Variants in TRMT1L observed in about 807,000 individuals in gnomAD.
The protein encoded by TRMT1L is tRNA (guanine(27)-N(2))-dimethyltransferase.
Under a neutral mutation model 81.6 loss-of-function variants are expected in TRMT1L, and 28 were observed. The observed-to-expected ratio is 0.34, with a 90% CI of 0.25 to 0.47. The LOEUF is 0.47. Among genes scored for constraint, TRMT1L ranks in the 20% least tolerant of loss-of-function variants. The pLI is 1.00. For missense variants in TRMT1L, 739 were observed against 877.1 expected, an observed-to-expected ratio of 0.84 and a Z score of 1.99; for synonymous variants, 301 against 303.2, an observed-to-expected ratio of 0.99 and a Z score of 0.07.
Position 185,140,051 on chromosome 1 carries a change from C to T in TRMT1L, c.1031G>A (p.Gly344Glu), listed in dbSNP as rs1557989247. The T allele has an allele frequency of 2.5e-6, 4 of 1,613,728 alleles. No individual in the cohort carries two copies. The highest frequency in any genetic ancestry group is 3.3e-5 in the Admixed American group (2 of 60,010). ...KEKSDDILEEGEKNLGNIKVT... is the reference protein window; with the variant it reads ...KEKSDDILEEEEKNLGNIKVT... ...CTTAATATTACCAAGATTTTTCTCT[C>T]CTTCTTCAAGAATATCATCACTCTT... The change falls in exon 8 of 15, where the codon GGA becomes GAA. Residue 344 changes from glycine (G) to glutamate (E), a missense_variant. Coordinates refer to ENST00000367506, the MANE Select transcript of TRMT1L (RefSeq NM_030934.5).
At chr1:185,130,818 C>T (rs1029008313) in intron 10 of TRMT1L, among the ~76,000 whole-genome samples, 11 of 152,086 alleles carry the variant, frequency 7.2e-5, no homozygotes, top group Middle Eastern at 3.2e-3. Context: ...TAAAAATCTG[C>T]TTTCCAGTCT....
intron 10 of TRMT1L, among the ~76,000 whole-genome samples, chr1:185,134,558 C>T (rs1174459930): frequency 1.3e-5 from 2 of 152,200 alleles, no homozygotes; most frequent in African/African-American, 2.4e-5. Context: ...GTAGGACATA[C>T]TTGTTTATTC....
At chr1:185,123,263 T>C (rs1160050502) in intron 13 of TRMT1L, among the ~76,000 whole-genome samples, 1 of 152,070 alleles carries the variant, frequency 6.6e-6, no homozygotes, top group East Asian at 1.9e-4. Context: ...CACTCTACAG[T>C]CTTCTTTTCA....
At chr1:185,151,761 G>A in intron 2 of TRMT1L, 64 bp downstream of exon 2, 18 of 1,076,354 alleles carry the variant, frequency 1.7e-5, no homozygotes, top group Non-Finnish European at 2.4e-5. Flanking sequence ...ACTTATTTTT[G>A]TGAATTGAAA....
At chr1:185,149,662 C>T (rs79431572) in intron 3 of TRMT1L, among the ~76,000 whole-genome samples, 268 of 151,788 alleles carry the variant, frequency 1.8e-3, no homozygotes, top group Admixed American at 2.0e-3. Flanking sequence ...GATGGATATG[C>T]GTATTTTTAA....
chr1:185,139,040 C>CA (rs144578198), intron 9 of TRMT1L, among the ~76,000 whole-genome samples: 2,628 of 152,286 alleles, frequency 0.017, 75 homozygotes, highest in African/African-American at 0.059. Context: ...AAAAACAAAA[C>CA]AAAACAGTTT....
chr1:185,123,848 C>T lies in TRMT1L; in HGVS notation c.1822+9G>A. 2 of 1,479,932 alleles carry T rather than the reference C, an allele frequency of 1.4e-6. No individual in the cohort carries two copies. Among genetic ancestry groups the T allele is most frequent in the Admixed American group, 2.4e-5 (1 of 41,374 alleles). 91.7% of individuals were successfully genotyped at this position (1,479,932 alleles called of 1,614,324 possible). A position where few individuals can be genotyped will look rare whatever the true frequency, so the allele number is the denominator to read the frequency against. On this transcript the variant is annotated intron_variant, in intron 13 of 14. Transcript: ENST00000367506. ...ATGTACATATGTACACACATATATG[C>T]ATACATACCTTGTGCAATGTAATTA... is the stretch of plus-strand genomic sequence containing the variant.
intron 6 of TRMT1L, 38 bp downstream of exon 6, chr1:185,143,868 T>A: frequency 6.4e-7 from 1 of 1,550,778 alleles, no homozygotes; most frequent in South Asian, 1.2e-5. Flanking sequence ...TTATAATAAT[T>A]TGAAACATCC....
At chr1:185,122,487 A>G (rs935389948) in intron 13 of TRMT1L, among the ~76,000 whole-genome samples, 3 of 152,072 alleles carry the variant, frequency 2.0e-5, no homozygotes, top group Non-Finnish European at 2.9e-5. Context: ...TCCTTACACT[A>G]TCCTCCCACT....
At chr1:185,124,057 C>A (rs191104489) in intron 12 of TRMT1L, 138 bp from the exon 13 acceptor site, 45 of 535,846 alleles carry the variant, frequency 8.4e-5, no homozygotes, top group African/African-American at 8.1e-4. Flanking sequence ...CCAAACTGAA[C>A]TGCAAAAATT....
At chr1:185,156,441 C>T (rs1447213866) in intron 1 of TRMT1L, 37 bp downstream of exon 1, 2 of 1,613,668 alleles carry the variant, frequency 1.2e-6, no homozygotes, top group East Asian at 2.2e-5. Context: ...CACTTTCTCT[C>T]TTCTGCAGCA....
chr1:185,128,101 C>T (rs971447430), intron 11 of TRMT1L, among the ~76,000 whole-genome samples: 1 of 151,856 alleles, frequency 6.6e-6, no homozygotes, highest in Admixed American at 6.6e-5. Flanking sequence ...GTGACAAGAG[C>T]GGGACTCTGT....
At position 185,120,016 on chromosome 1, in the gene TRMT1L, C is replaced by G; in HGVS notation, c.*3G>C. The stretch of plus-strand genomic sequence containing the variant: ...ACACCTGAGAACCAATTCTTCTCTA[C>G]GTTTACCATCTTCTGCAGCCACTTG... On this transcript the variant is annotated 3_prime_UTR_variant, in exon 15 of 15. Coordinates refer to ENST00000367506, the MANE Select transcript of TRMT1L (RefSeq NM_030934.5). 1 of 1,612,856 alleles carries G rather than the reference C, an allele frequency of 6.2e-7. No homozygotes were observed. Among genetic ancestry groups the G allele is most frequent in the East Asian group, 2.2e-5 (1 of 44,870 alleles).
At chr1:185,138,263 T>C (rs1343642746) in intron 9 of TRMT1L, among the ~76,000 whole-genome samples, 1 of 152,216 alleles carries the variant, frequency 6.6e-6, no homozygotes, top group Non-Finnish European at 1.5e-5. Flanking sequence ...CACAGACTTT[T>C]TGGATTAAGC....
intron 1 of TRMT1L, among the ~76,000 whole-genome samples, chr1:185,156,146 G>A (rs1249419168): frequency 6.6e-6 from 1 of 152,112 alleles, no homozygotes; most frequent in African/African-American, 2.4e-5. Flanking sequence ...CTGGACTGCG[G>A]GAAACTACCA....
At chr1:185,132,415 A>T (rs1425614329) in intron 10 of TRMT1L, among the ~76,000 whole-genome samples, 1 of 151,944 alleles carries the variant, frequency 6.6e-6, no homozygotes, top group African/African-American at 2.4e-5. Flanking sequence ...GCTACTCAGG[A>T]GGCTGAGTCA....
At chr1:185,150,082 AAT>A (rs571965606) in intron 3 of TRMT1L, among the ~76,000 whole-genome samples, 17 of 152,300 alleles carry the variant, frequency 1.1e-4, no homozygotes, top group African/African-American at 4.1e-4. Flanking sequence ...ATATGTGTAA[AAT>A]AAAAGGAAAA....
intron 10 of TRMT1L, among the ~76,000 whole-genome samples, chr1:185,134,434 G>A (rs906662191): frequency 7.9e-5 from 12 of 152,274 alleles, no homozygotes; most frequent in African/African-American, 1.7e-4. Flanking sequence ...TGGTCCGTCC[G>A]CCTCAGCCTC....
At chr1:185,157,049 A>C, upstream of TRMT1L, 1 of 300,078 alleles carries the variant, frequency 3.3e-6, no homozygotes, top group African/African-American at 2.2e-5. Context: ...CCACCGGCCA[A>C]CCACCAAACC....
Sources: gnomAD v4.1 joint callset for allele counts (sites outside exome capture counted in the v4.1 genomes callset) on GRCh38, gnomAD v4.1.1 for gene constraint, MANE v1.5 for transcripts, NCBI Gene and HGNC (gene_info 2026-07-23, HGNC 2026-07-21) for gene names.